The following SCN9A variants were observed in gnomAD, a reference collection of about 807,000 sequenced individuals.
The protein encoded by SCN9A is sodium channel protein type 9 subunit alpha.
Under a neutral mutation model 187.0 loss-of-function variants are expected in SCN9A, and 131 were observed. That is an observed-to-expected ratio of 0.70 (90% CI 0.61 to 0.81). SCN9A has a LOEUF of 0.81. Ranked by LOEUF, SCN9A falls within the 30% of genes least tolerant of loss-of-function variation. The probability of loss-of-function intolerance (pLI) is 0.00; values close to 1 mark genes in which losing one functional copy is unlikely to be tolerated. For synonymous variants in SCN9A, 809 were observed against 808.6 expected (o/e 1.00, Z -0.01); for missense variants, 2,252 against 2,396.6 (o/e 0.94, Z 1.26).
chr2:166,211,264 A>C lies in SCN9A; in HGVS notation c.4399-6800T>G, dbSNP rs562808783. 2.6e-5 allele frequency among the ~76,000 whole-genome samples: 4 copies of C among 152,284 alleles called. No individual in the cohort carries two copies. In the East Asian group the frequency reaches 7.7e-4, roughly 29 times the overall value. On this transcript the variant is annotated intron_variant, in intron 24 of 26. Transcript: ENST00000642356. The stretch of plus-strand genomic sequence containing the variant: ...TATATTCAAAATACTTAAAGAAAAA[A>C]ACTGCTGACCAAGAATAATATACCT...
At chr2:166,343,517 A>C (rs1699832763) in intron 1 of SCN9A, among the ~76,000 whole-genome samples, 1 of 151,646 alleles carries the variant, frequency 6.6e-6, no homozygotes, top group African/African-American at 2.4e-5. Flanking sequence ...GAACTATGAG[A>C]AAGAACCTGA....
intron 17 of SCN9A, among the ~76,000 whole-genome samples, chr2:166,256,434 G>A (rs1248804452): frequency 4.0e-5 from 6 of 151,090 alleles, no homozygotes; most frequent in East Asian, 3.9e-4. Flanking sequence ...GGAAAAAAAT[G>A]GAAATAATTA....
chr2:166,216,573 T>G (rs867625517), intron 24 of SCN9A, among the ~76,000 whole-genome samples: 3 of 151,994 alleles, frequency 2.0e-5, no homozygotes, highest in Non-Finnish European at 1.5e-5. Context: ...ATCAGTAGCA[T>G]TTCTATACAT....
Position 166,238,115 on chromosome 2 carries a change from C to T in SCN9A, c.3780G>A (p.Trp1260Ter), listed in dbSNP as rs1553481071. Reference protein sequence around the residue: ...YKTYFTNAWCWLDFLIVDVSL... With the variant: ...YKTYFTNAWC ...CTACATCAACAATTAGGAAATCCAG[C>T]CAACACCAGGCATTGGTGAAATATG... Residue 1260 changes from tryptophan (W) to a stop codon, truncating the protein, a stop_gained, in exon 20 of 27, where the codon TGG (tryptophan) becomes TGA (stop). Coordinates refer to ENST00000642356, the MANE Select transcript of SCN9A (RefSeq NM_001365536.1). LOFTEE classifies it high-confidence loss of function. 1.2e-6 allele frequency: 2 copies of T among 1,610,830 alleles called. No homozygotes were observed. The highest frequency in any genetic ancestry group is 1.7e-6 in the Non-Finnish European group (2 of 1,178,368).
intron 20 of SCN9A, among the ~76,000 whole-genome samples, chr2:166,234,547 T>G (rs1172437905): frequency 2.0e-5 from 3 of 152,168 alleles, no homozygotes; most frequent in Non-Finnish European, 1.5e-5. Context: ...AAGCGGGAAG[T>G]GTTTTAAAGT....
intron 22 of SCN9A, among the ~76,000 whole-genome samples, chr2:166,228,258 T>TC (rs1694925526): frequency 7.1e-6 from 1 of 141,716 alleles, no homozygotes; most frequent in African/African-American, 2.6e-5. Flanking sequence ...TTTTTTTTTT[T>TC]TTTTTTTTTT....
chr2:166,285,173 T>C (rs1697683605), intron 11 of SCN9A, among the ~76,000 whole-genome samples: 1 of 152,186 alleles, frequency 6.6e-6, no homozygotes, highest in Non-Finnish European at 1.5e-5. Context: ...TCATTCAACT[T>C]TTTATATATC....
At chr2:166,276,822 C>T (rs551358351) in intron 16 of SCN9A, 161 bp downstream of exon 16, 26 of 542,096 alleles carry the variant, frequency 4.8e-5, no homozygotes, top group Middle Eastern at 6.0e-4. Flanking sequence ...TACAAAATTT[C>T]GTTCTCTTTC....
intron 7 of SCN9A, chr2:166,296,220 T>A (rs1387284665): frequency 6.6e-6 from 1 of 151,724 alleles, no homozygotes; most frequent in Non-Finnish European, 1.5e-5. Context: ...TGTTAAATAG[T>A]ATAAATAGGA....
At chr2:166,213,493 A>AATAATG (rs1240986581) in intron 24 of SCN9A, among the ~76,000 whole-genome samples, 1 of 147,440 alleles carries the variant, frequency 6.8e-6, no homozygotes, top group African/African-American at 2.5e-5. Context: ...TAATAATAAT[A>AATAATG]ATGATAATGA....
At chr2:166,353,402 C>T (rs897838412) in intron 1 of SCN9A, among the ~76,000 whole-genome samples, 2 of 152,222 alleles carry the variant, frequency 1.3e-5, no homozygotes, top group African/African-American at 4.8e-5. Flanking sequence ...TTATAATCTA[C>T]AGCTCCCCAC....
At chr2:166,205,478 G>C (rs780358073) in intron 24 of SCN9A, among the ~76,000 whole-genome samples, 2 of 152,090 alleles carry the variant, frequency 1.3e-5, no homozygotes, top group Non-Finnish European at 2.9e-5. Context: ...GTTGAAACTG[G>C]ATCCCTTCCT....
At chr2:166,340,987 A>G (rs1699772200) in intron 1 of SCN9A, among the ~76,000 whole-genome samples, 1 of 151,988 alleles carries the variant, frequency 6.6e-6, no homozygotes, top group Non-Finnish European at 1.5e-5. Flanking sequence ...TTTATTCTAT[A>G]TTTTATTTTT....
intron 1 of SCN9A, among the ~76,000 whole-genome samples, chr2:166,356,658 C>A (rs1282007561): frequency 6.6e-6 from 1 of 152,242 alleles, no homozygotes; most frequent in African/African-American, 2.4e-5. Flanking sequence ...GTGTATCCAT[C>A]CATGTGGTTT....
At chr2:166,252,377 A>T (rs1696084713) in intron 17 of SCN9A, among the ~76,000 whole-genome samples, 1 of 152,002 alleles carries the variant, frequency 6.6e-6, no homozygotes, top group Admixed American at 6.6e-5. Flanking sequence ...TAAAAAGATA[A>T]GTGCAAGATA....
At chr2:166,257,080 T>C (rs951788584) in intron 17 of SCN9A, among the ~76,000 whole-genome samples, 8 of 151,630 alleles carry the variant, frequency 5.3e-5, no homozygotes, top group African/African-American at 1.9e-4. Context: ...GAGTGTAAAG[T>C]GGCCATTGAT....
intron 17 of SCN9A, among the ~76,000 whole-genome samples, chr2:166,261,513 G>GA: frequency 6.6e-6 from 1 of 151,990 alleles, no homozygotes; most frequent in Non-Finnish European, 1.5e-5. Flanking sequence ...TAATATAGAA[G>GA]AAAAAACACA....
intron 26 of SCN9A, among the ~76,000 whole-genome samples, chr2:166,201,215 TAC>T (rs906576415): frequency 3.5e-5 from 5 of 140,966 alleles, no homozygotes; most frequent in African/African-American, 1.2e-4. Flanking sequence ...ACTATATATA[TAC>T]ACATACTATA....
chr2:166,216,145 A>G (rs186924761), intron 24 of SCN9A, among the ~76,000 whole-genome samples: 103 of 152,236 alleles, frequency 6.8e-4, no homozygotes, highest in Non-Finnish European at 1.2e-3. Flanking sequence ...TCATATGATC[A>G]TCTTACTAGA....
Sources: gnomAD v4.1 joint callset for allele counts (sites outside exome capture counted in the v4.1 genomes callset) on GRCh38, gnomAD v4.1.1 for gene constraint, MANE v1.5 for transcripts, NCBI Gene and HGNC (gene_info 2026-07-23, HGNC 2026-07-21) for gene names.